The following CACNA1C variants were observed in gnomAD, a reference collection of about 807,000 sequenced individuals.
The protein encoded by CACNA1C is calcium voltage-gated channel subunit alpha1 C.
A neutral mutation model predicts 229.0 loss-of-function variants in CACNA1C; 30 were observed. The ratio of observed to expected loss-of-function variants is 0.13; its 90% CI spans 0.10 to 0.18. CACNA1C has a LOEUF of 0.18. CACNA1C is among the 10% of genes least tolerant of loss of function. The pLI is 1.00. For missense variants in CACNA1C, 1,658 were observed against 2,845.0 expected, an observed-to-expected ratio of 0.58 and a Z score of 9.49; for synonymous variants, 1,114 against 1,132.5, an observed-to-expected ratio of 0.98 and a Z score of 0.33.
rs1444199438 is a variant in CACNA1C at position 2,474,007 on chromosome 12, A to G, written c.758-12097A>G. The stretch of plus-strand genomic sequence containing the variant: ...TCCATCTCAAGAACATCCAGGGAAG[A>G]GAAAGCTGTTGCCTGGGTATAATGG... On this transcript the variant is annotated intron_variant, in intron 5 of 46. Coordinates refer to ENST00000399655, the MANE Select transcript of CACNA1C (RefSeq NM_000719.7). 4.0e-5 allele frequency among the ~76,000 whole-genome samples: 6 copies of G among 149,560 alleles called. No homozygotes were observed. In the East Asian group the frequency reaches 1.2e-3, roughly 30 times the overall value.
chr12:2,211,803 C>T (rs556290296), intron 3 of CACNA1C, among the ~76,000 whole-genome samples: 6 of 151,210 alleles, frequency 4.0e-5, no homozygotes, highest in Non-Finnish European at 8.8e-5. Context: ...ACTGCAACCT[C>T]CGCCTTCCAG....
chr12:2,236,848 C>T (rs1040487580), intron 3 of CACNA1C, among the ~76,000 whole-genome samples: 2 of 152,146 alleles, frequency 1.3e-5, no homozygotes, highest in Non-Finnish European at 2.9e-5. Context: ...TGGTATCTTC[C>T]TCCCTACAGT....
In CACNA1C at chr12:2,042,735, G is replaced by C. The variant is rs2050338021; in HGVS notation, c.139+71534G>C. 2.0e-5 allele frequency among the ~76,000 whole-genome samples: 3 copies of C among 152,286 alleles called. No individual in the cohort carries two copies. In the South Asian group the frequency reaches 6.2e-4, roughly 32 times the overall value. ...CAGGTGGGCTCCAGGCTCTGCCCCG[G>C]GTTGTCCTCCGGTGAACGTGAAGAC... On this transcript the variant is annotated intron_variant, in intron 1 of 46. Coordinates refer to the CACNA1C transcript ENST00000682462.
Position 2,677,544 on chromosome 12 carries a change from G to A in CACNA1C, c.4957-189G>A, listed in dbSNP as rs755928217. On this transcript the variant is annotated intron_variant, in intron 40 of 46. Coordinates refer to ENST00000399655, the MANE Select transcript of CACNA1C (RefSeq NM_000719.7). This position sits in a 1 kb window ranked among gnomAD's most constrained non-coding sequence, Gnocchi z 7.4. ...GAGCCTTCATCCCTCCTGGATGGGC[G>A]AGTGGATTGTTCCATCAGAGGGCAG... 1.0e-5 allele frequency: 7 copies of A among 672,212 alleles called. No individual in the cohort carries two copies. Among genetic ancestry groups the A allele is most frequent in the East Asian group, 2.7e-5 (1 of 36,492 alleles). 41.6% of individuals were successfully genotyped at this position (672,212 alleles called of 1,614,324 possible).
At chr12:2,272,371 G>T (rs1293242743) in intron 3 of CACNA1C, among the ~76,000 whole-genome samples, 1 of 152,118 alleles carries the variant, frequency 6.6e-6, no homozygotes, top group Non-Finnish European at 1.5e-5. Flanking sequence ...CCATGCCTGT[G>T]GATCACCATC....
chr12:2,350,741 T>C (rs1423465562), intron 3 of CACNA1C, among the ~76,000 whole-genome samples: 3 of 152,218 alleles, frequency 2.0e-5, no homozygotes, highest in Non-Finnish European at 4.4e-5. Flanking sequence ...TCCAAGCCCT[T>C]TCCCCTGGAC....
intron 29 of CACNA1C, among the ~76,000 whole-genome samples, chr12:2,618,329 A>G (rs571296695): frequency 5.9e-5 from 9 of 152,310 alleles, no homozygotes; most frequent in African/African-American, 2.2e-4. Context: ...GTCAGTCTGG[A>G]TGGTAATCAG....
At chr12:2,323,143 C>CA (rs2096099976) in intron 3 of CACNA1C, among the ~76,000 whole-genome samples, 1 of 152,222 alleles carries the variant, frequency 6.6e-6, no homozygotes, top group Admixed American at 6.5e-5. Flanking sequence ...TCTTTGCACA[C>CA]ACGGGAGACA....
rs546379393 is a variant in CACNA1C, at chr12:2,477,747, C to CT, written c.758-8354dup. Among the ~76,000 whole-genome samples the CT allele has an allele frequency of 3.7e-3, 566 of 152,268 alleles. 10 individuals are homozygous for CT. The highest frequency in any genetic ancestry group is 2.0e-3 in the Non-Finnish European group (136 of 68,006). ...TTTATACAGAATGCTGTCCTTCCCACTTTCTGTAACCACTCTTTCCACTTG... is the reference window on the plus strand; with the variant it reads ...TTTATACAGAATGCTGTCCTTCCCACTTTTCTGTAACCACTCTTTCCACTTG... On this transcript the variant is annotated intron_variant, in intron 5 of 46. Transcript: ENST00000399655.
At chr12:2,245,633 T>C (rs2072816497) in intron 3 of CACNA1C, among the ~76,000 whole-genome samples, 1 of 152,208 alleles carries the variant, frequency 6.6e-6, no homozygotes, top group African/African-American at 2.4e-5. Flanking sequence ...CCATAGCCAT[T>C]TCTCTGTAAT....
intron 5 of CACNA1C, among the ~76,000 whole-genome samples, chr12:2,468,296 C>A (rs1192252911): frequency 6.6e-6 from 1 of 152,238 alleles, no homozygotes; most frequent in African/African-American, 2.4e-5. Context: ...TTCCTCCAGT[C>A]ACGAACTGGT....
At chr12:2,515,071 G>A (rs1274968836) in intron 9 of CACNA1C, among the ~76,000 whole-genome samples, 1 of 152,222 alleles carries the variant, frequency 6.6e-6, no homozygotes, top group East Asian at 1.9e-4. Context: ...CTTCCTTACG[G>A]CTGGAGGAGC....
In CACNA1C at chr12:2,608,879, A is replaced by C. The variant is rs1346874509; in HGVS notation, c.3558+167A>C. Among the ~76,000 whole-genome samples, 3 of 152,252 alleles carry C rather than the reference A, an allele frequency of 2.0e-5. No homozygotes were observed. The highest frequency in any genetic ancestry group is 2.9e-5 in the Non-Finnish European group (2 of 68,048). Reference sequence around the variant, plus strand: ...GTCAGTCTTTTTGAGGGACCTGTGCAAAAGAAATGCAAATTCCTGCAAACC... The same window carrying C: ...GTCAGTCTTTTTGAGGGACCTGTGCCAAAGAAATGCAAATTCCTGCAAACC... On this transcript the variant is annotated intron_variant, in intron 27 of 46. Transcript: ENST00000399655. The surrounding 1 kb of genome is among the most constrained non-coding windows in gnomAD (Gnocchi z 4.2).
chr12:2,592,673 G>T (rs189630093), intron 18 of CACNA1C, among the ~76,000 whole-genome samples: 1 of 150,608 alleles, frequency 6.6e-6, no homozygotes, highest in African/African-American at 2.4e-5. Context: ...GTGGTCAGTA[G>T]TATTGCCCTG....
intron 3 of CACNA1C, among the ~76,000 whole-genome samples, chr12:2,436,370 C>T (rs997309843): frequency 2.6e-5 from 4 of 152,162 alleles, no homozygotes; most frequent in African/African-American, 7.2e-5. Context: ...TTGAAGGGGC[C>T]TCTTCTCCGC....
chr12:2,390,765 T>C (rs1345819459), intron 3 of CACNA1C, among the ~76,000 whole-genome samples: 1 of 152,048 alleles, frequency 6.6e-6, no homozygotes, highest in Non-Finnish European at 1.5e-5. Flanking sequence ...GAGCTAAAGC[T>C]GAGAACTGGA....
chr12:2,658,930 C>A (rs1405647388), intron 34 of CACNA1C, among the ~76,000 whole-genome samples: 6 of 151,422 alleles, frequency 4.0e-5, no homozygotes, highest in Non-Finnish European at 5.9e-5. Flanking sequence ...CACAGCTGTA[C>A]AATGTGTATT....
At chr12:2,045,775 G>A (rs987582827) in intron 1 of CACNA1C, among the ~76,000 whole-genome samples, 4 of 151,972 alleles carry the variant, frequency 2.6e-5, no homozygotes, top group Admixed American at 2.0e-4. Context: ...AATAGCAGCC[G>A]CTCAGAATGT....
intron 5 of CACNA1C, among the ~76,000 whole-genome samples, chr12:2,482,876 G>A (rs1258168767): frequency 6.6e-6 from 1 of 152,206 alleles, no homozygotes; most frequent in African/African-American, 2.4e-5. Flanking sequence ...AATAGCAGTT[G>A]AGATCCTCTG....
Sources: gnomAD v4.1 joint callset for allele counts (sites outside exome capture counted in the v4.1 genomes callset) on GRCh38, gnomAD v4.1.1 for gene constraint, Gnocchi (gnomAD v3.1) non-coding constraint, MANE v1.5 for transcripts, NCBI Gene and HGNC (gene_info 2026-07-23, HGNC 2026-07-21) for gene names.